The following NAV2 variants were observed in gnomAD, a reference collection of about 807,000 sequenced individuals.
NAV2 encodes the protein neuron navigator 2.
A neutral mutation model predicts 223.2 loss-of-function variants in NAV2; 54 were observed. That is an observed-to-expected ratio of 0.24 (90% CI 0.19 to 0.30). NAV2 has a LOEUF of 0.30. Ranked by LOEUF, NAV2 falls within the 10% of genes least tolerant of loss-of-function variation. NAV2 has a pLI of 1.00. For synonymous variants in NAV2, 1,279 were observed against 1,239.3 expected, an observed-to-expected ratio of 1.03 and a Z score of -0.67; for missense variants, 2,806 against 3,147.5, an observed-to-expected ratio of 0.89 and a Z score of 2.60.
intron 1 of NAV2, among the ~76,000 whole-genome samples, chr11:19,811,341 G>C (rs945558477): frequency 3.3e-5 from 5 of 152,164 alleles, no homozygotes; most frequent in African/African-American, 1.2e-4. Context: ...CACCCATTTA[G>C]AGTGTCACCC....
chr11:19,516,163 A>T (rs2043440159), intron 1 of NAV2, among the ~76,000 whole-genome samples: 1 of 152,246 alleles, frequency 6.6e-6, no homozygotes, highest in African/African-American at 2.4e-5. Context: ...AGATCAAATG[A>T]GATCTCTAAG....
chr11:19,354,628 GT>G (rs1201457833), intron 1 of NAV2, among the ~76,000 whole-genome samples: 2 of 152,232 alleles, frequency 1.3e-5, no homozygotes, highest in African/African-American at 4.8e-5. Flanking sequence ...AGTAAAGTGT[GT>G]GCTTTTAAAG....
At chr11:19,453,722 C>T (rs1851866192) in intron 1 of NAV2, among the ~76,000 whole-genome samples, 1 of 152,222 alleles carries the variant, frequency 6.6e-6, no homozygotes, top group East Asian at 1.9e-4. Flanking sequence ...GCTCTCTCCT[C>T]CTCCTGAAAT....
At chr11:19,910,154 A>G (rs922636630) in intron 6 of NAV2, among the ~76,000 whole-genome samples, 2 of 152,240 alleles carry the variant, frequency 1.3e-5, no homozygotes, top group Admixed American at 6.5e-5. Context: ...CAGAGTGATT[A>G]AATAACGGGC....
intron 29 of NAV2, among the ~76,000 whole-genome samples, chr11:20,094,847 C>G (rs1037315659): frequency 6.6e-6 from 1 of 152,182 alleles, no homozygotes. Context: ...TGACACCTCC[C>G]CCACCTCCAC....
At chr11:19,890,395 A>G (rs1475653044) in intron 5 of NAV2, among the ~76,000 whole-genome samples, 4 of 152,202 alleles carry the variant, frequency 2.6e-5, no homozygotes, top group Non-Finnish European at 2.9e-5. Context: ...GGTTCAGCCT[A>G]GGGTCAGCAC....
Position 20,105,756 on chromosome 11 carries a change from G to A in NAV2, c.6841+29G>A, listed in dbSNP as rs758181693. On this transcript the variant is annotated intron_variant, in intron 35 of 37. Transcript: ENST00000349880. ...GGTGGGAGACTGGGGTCAGGGGGGCGGGCTGGCATCCTCAGGTGCCCATCC... is the reference window on the plus strand; with the variant it reads ...GGTGGGAGACTGGGGTCAGGGGGGCAGGCTGGCATCCTCAGGTGCCCATCC... The A allele has an allele frequency of 2.0e-5, 31 of 1,583,968 alleles. No homozygotes were observed. In the East Asian group the frequency reaches 2.2e-4, roughly 11 times the overall value.
chr11:19,858,644 C>G (rs1043801614), intron 3 of NAV2, among the ~76,000 whole-genome samples: 6 of 152,168 alleles, frequency 3.9e-5, no homozygotes, highest in African/African-American at 1.4e-4. Context: ...ATAATGGACT[C>G]TTGACTCTCC....
rs578246052 is a variant in NAV2, at chr11:19,872,121, AG to A, written c.511+3127del. Among the ~76,000 whole-genome samples the A allele has an allele frequency of 3.5e-3, 538 of 152,332 alleles. 3 individuals carry two copies. The highest frequency in any genetic ancestry group is 0.012 in the African/African-American group (513 of 41,562). ...CACATTCTCAAACTTACAAAAAGCA[AG>A]GGTACTTACAGCCTTTAATCCTCAA... is the stretch of plus-strand genomic sequence containing the variant. On this transcript the variant is annotated intron_variant, in intron 4 of 37. Transcript: ENST00000349880.
chr11:19,635,722 C>A (rs1237713695), intron 1 of NAV2, among the ~76,000 whole-genome samples: 1 of 152,226 alleles, frequency 6.6e-6, no homozygotes, highest in East Asian at 1.9e-4. Context: ...TCACCTACTT[C>A]TTTTGGGAGG....
chr11:19,852,695 C>G (rs1228965071), intron 3 of NAV2, among the ~76,000 whole-genome samples: 1 of 152,094 alleles, frequency 6.6e-6, no homozygotes, highest in Non-Finnish European at 1.5e-5. Flanking sequence ...AACATCAAAG[C>G]TTTGTAATGT....
intron 1 of NAV2, among the ~76,000 whole-genome samples, chr11:19,528,925 T>C (rs1235327731): frequency 1.0e-3 from 58 of 57,680 alleles, no homozygotes; most frequent in Non-Finnish European, 1.7e-3. Context: ...TGAGACTCCA[T>C]CTCAAAAAAA....
At chr11:19,413,781 A>G (rs1850245989) in intron 1 of NAV2, among the ~76,000 whole-genome samples, 1 of 152,224 alleles carries the variant, frequency 6.6e-6, no homozygotes, top group Non-Finnish European at 1.5e-5. Context: ...CAATATTTTT[A>G]AAGAAAAGAA....
At chr11:19,599,945 G>A (rs764945432) in intron 1 of NAV2, among the ~76,000 whole-genome samples, 10 of 152,250 alleles carry the variant, frequency 6.6e-5, no homozygotes, top group African/African-American at 2.2e-4. Context: ...AATTGCATCC[G>A]TGTCTTAGTT....
At chr11:19,965,929 C>T (rs2048734632) in intron 10 of NAV2, among the ~76,000 whole-genome samples, 1 of 152,180 alleles carries the variant, frequency 6.6e-6, no homozygotes, top group Non-Finnish European at 1.5e-5. Context: ...TTTGTTCACT[C>T]CCACGTCTCA....
chr11:19,423,712 A>G (rs1850710235), intron 1 of NAV2, among the ~76,000 whole-genome samples: 1 of 152,238 alleles, frequency 6.6e-6, no homozygotes, highest in South Asian at 2.1e-4. Context: ...CTTTTACTCT[A>G]CACAGCTACT....
chr11:19,807,534 G>C (rs1484186366), intron 1 of NAV2, among the ~76,000 whole-genome samples: 1 of 152,214 alleles, frequency 6.6e-6, no homozygotes, highest in Non-Finnish European at 1.5e-5. Flanking sequence ...AATGGTGGGG[G>C]CTGCAGGCCA....
At chr11:20,062,453 G>A in intron 20 of NAV2, 94 bp downstream of exon 20, 1 of 948,224 alleles carries the variant, frequency 1.1e-6, no homozygotes, top group Admixed American at 2.4e-5. Flanking sequence ...TTTATCCTAG[G>A]GAAAGCATTT....
intron 1 of NAV2, among the ~76,000 whole-genome samples, chr11:19,654,547 T>C (rs1286290308): frequency 1.4e-4 from 21 of 152,100 alleles, no homozygotes; most frequent in Admixed American, 1.2e-3. Flanking sequence ...AACAGAGTTA[T>C]AGACCAATGG....
Sources: gnomAD v4.1 joint callset for allele counts (sites outside exome capture counted in the v4.1 genomes callset) on GRCh38, gnomAD v4.1.1 for gene constraint, MANE v1.5 for transcripts, NCBI Gene and HGNC (gene_info 2026-07-23, HGNC 2026-07-21) for gene names.